Variants in KLF8 observed in about 807,000 individuals in gnomAD.
KLF8 encodes KLF transcription factor 8.
KLF8 carries 10 observed loss-of-function variants against 18.2 expected under a neutral mutation model. The ratio of observed to expected loss-of-function variants is 0.55; its 90% confidence interval spans 0.34 to 0.93. The LOEUF is 0.93. Ranked by LOEUF, KLF8 falls within the 40% of genes least tolerant of loss-of-function variation. The pLI, the probability that KLF8 is intolerant of heterozygous loss-of-function variation, is 0.02. For missense variants in KLF8, 264 were observed against 277.9 expected (o/e 0.95, Z 0.36); for synonymous variants, 109 against 97.3 (o/e 1.12, Z -0.71).
At chrX:56,159,076 A>C in the KLF8 span, among the ~76,000 whole-genome samples, 2 of 112,035 alleles carry the variant, frequency 1.8e-5, no homozygotes, top group Non-Finnish European at 3.8e-5. Context: ...TACCTAATTT[A>C]TTGAGAATTT....
the KLF8 span, among the ~76,000 whole-genome samples, chrX:56,007,235 C>T: frequency 7.2e-5 from 8 of 111,340 alleles, no homozygotes; most frequent in Non-Finnish European, 1.5e-4. Context: ...GAGAGGATGT[C>T]TGCAGGGCTT....
At chrX:56,222,093 C>T in the KLF8 span, among the ~76,000 whole-genome samples, 1 of 111,673 alleles carries the variant, frequency 9.0e-6, no homozygotes, top group African/African-American at 3.3e-5. Context: ...GAGCTAGACA[C>T]AGGGTGCCGA....
At chrX:56,105,493 A>G in the KLF8 span, among the ~76,000 whole-genome samples, 1 of 108,820 alleles carries the variant, frequency 9.2e-6, no homozygotes, top group African/African-American at 3.3e-5. Flanking sequence ...TCTTTGTTGG[A>G]TGAAACTGTG....
chrX:55,998,334 G>C, the KLF8 span, among the ~76,000 whole-genome samples: 1 of 111,315 alleles, frequency 9.0e-6, no homozygotes, highest in Non-Finnish European at 1.9e-5. Context: ...TGTCGGGCTG[G>C]GGGACGGTCA....
chrX:55,940,768 T>C, the KLF8 span, among the ~76,000 whole-genome samples: 115 of 111,546 alleles, frequency 1.0e-3, no homozygotes, highest in Non-Finnish European at 1.5e-3. Flanking sequence ...TGAACTCCCA[T>C]TCACAATTGC....
the KLF8 span, among the ~76,000 whole-genome samples, chrX:56,032,239 T>A: frequency 8.9e-6 from 1 of 111,891 alleles, no homozygotes; most frequent in Non-Finnish European, 1.9e-5. Flanking sequence ...CCCAAAGTGC[T>A]GGTGATTACA....
chrX:56,050,182 C>T, the KLF8 span, among the ~76,000 whole-genome samples: 4 of 110,863 alleles, frequency 3.6e-5, no homozygotes, highest in Non-Finnish European at 5.7e-5. Flanking sequence ...GTCTTGCTAG[C>T]AGTCTATCAA....
the KLF8 span, among the ~76,000 whole-genome samples, chrX:56,225,152 A>G: frequency 8.9e-6 from 1 of 111,820 alleles, no homozygotes; most frequent in Non-Finnish European, 1.9e-5. Context: ...CAGTGCATCA[A>G]TCATATGGGT....
the KLF8 span, among the ~76,000 whole-genome samples, chrX:56,054,160 C>T: frequency 9.0e-6 from 1 of 110,504 alleles, no homozygotes; most frequent in Non-Finnish European, 1.9e-5. Context: ...GACACGGAGT[C>T]TCTCTCTGTC....
At chrX:55,962,644 A>G in the KLF8 span, among the ~76,000 whole-genome samples, 4 of 112,571 alleles carry the variant, frequency 3.6e-5, no homozygotes, top group South Asian at 1.5e-3. Flanking sequence ...TCAGAAAAGA[A>G]CATGTAGTGA....
At chrX:56,101,114 C>G in the KLF8 span, among the ~76,000 whole-genome samples, 2 of 110,969 alleles carry the variant, frequency 1.8e-5, no homozygotes, top group East Asian at 5.7e-4. Flanking sequence ...AGATAGTGCA[C>G]CTCTCCCATA....
chrX:56,223,074 C>G, the KLF8 span, among the ~76,000 whole-genome samples: 1 of 113,187 alleles, frequency 8.8e-6, no homozygotes, highest in Non-Finnish European at 1.9e-5. Flanking sequence ...GCGCCAAGAG[C>G]GAGCCAGGGC....
the KLF8 span, among the ~76,000 whole-genome samples, chrX:56,077,795 G>C: frequency 9.0e-6 from 1 of 111,534 alleles, no homozygotes; most frequent in African/African-American, 3.3e-5. Flanking sequence ...TCTTCCATTT[G>C]TTTGTATCCT....
At chrX:56,183,365 T>C in the KLF8 span, among the ~76,000 whole-genome samples, 1 of 112,180 alleles carries the variant, frequency 8.9e-6, no homozygotes, top group Non-Finnish European at 1.9e-5. Flanking sequence ...AGATACTGTC[T>C]ATCGCGGCTC....
the KLF8 span, among the ~76,000 whole-genome samples, chrX:56,200,607 G>A: frequency 9.2e-6 from 1 of 108,968 alleles, no homozygotes; most frequent in African/African-American, 3.3e-5. Flanking sequence ...AAAAAAGCAA[G>A]TGAACTACAT....
At chrX:56,255,181 A>G (rs944768380) in intron 2 of KLF8, among the ~76,000 whole-genome samples, 1 of 112,734 alleles carries the variant, frequency 8.9e-6, no homozygotes, top group African/African-American at 3.2e-5. Context: ...TGGCTATTGT[A>G]AACAGGTTTA....
At chrX:56,069,794 C>T in the KLF8 span, among the ~76,000 whole-genome samples, 1 of 112,033 alleles carries the variant, frequency 8.9e-6, no homozygotes, top group Non-Finnish European at 1.9e-5. Context: ...AGCGGTCTTG[C>T]CCAGCTTCCT....
the KLF8 span, among the ~76,000 whole-genome samples, chrX:56,190,281 T>A: frequency 9.0e-6 from 1 of 110,726 alleles, no homozygotes. Context: ...CAAGAGTATA[T>A]AACAATTGTA....
At chrX:55,953,414 C>G in the KLF8 span, among the ~76,000 whole-genome samples, 1 of 107,180 alleles carries the variant, frequency 9.3e-6, no homozygotes, top group Non-Finnish European at 1.9e-5. Context: ...TCCAACTGAT[C>G]TACAGCTTCA....
Sources: allele counts gnomAD v4.1 joint callset (sites outside exome capture counted in the v4.1 genomes callset), GRCh38; gene constraint gnomAD v4.1.1; transcripts MANE v1.5; gene names NCBI Gene and HGNC (gene_info 2026-07-23, HGNC 2026-07-21).